Variants in SCYL1 observed in about 807,000 individuals in gnomAD.
The protein encoded by SCYL1 is SCY1 like pseudokinase 1.
Under a neutral mutation model 94.8 loss-of-function variants are expected in SCYL1, and 85 were observed. That is an observed-to-expected ratio of 0.90 (90% CI 0.75 to 1.07). SCYL1 has a LOEUF of 1.07. SCYL1 is among the 50% of genes least tolerant of loss of function. SCYL1 has a pLI of 0.00. For synonymous variants in SCYL1, 459 were observed against 435.5 expected, an observed-to-expected ratio of 1.05 and a Z score of -0.67; for missense variants, 968 against 1,083.3, an observed-to-expected ratio of 0.89 and a Z score of 1.49.
chr11:65,526,940 GA>G lies in SCYL1; in HGVS notation c.694-21del. ...TCTGCCAGCTGGCTACCCCTGCCCT[GA>G]CACTGACCCCTCCCCTACAGATCCC... is the stretch of plus-strand genomic sequence containing the variant. On this transcript the variant is annotated intron_variant, in intron 5 of 17. Transcript: ENST00000270176. This position sits in a 1 kb window ranked among gnomAD's most constrained non-coding sequence, Gnocchi z 4.1. The G allele has an allele frequency of 6.2e-7, 1 of 1,609,930 alleles. No individual in the cohort carries two copies. The highest frequency in any genetic ancestry group is 8.5e-7 in the Non-Finnish European group (1 of 1,177,126).
chr11:65,529,552 C>T lies in SCYL1; in HGVS notation c.850-1077C>T, dbSNP rs1855265241. 3.3e-5 allele frequency among the ~76,000 whole-genome samples: 5 copies of T among 152,334 alleles called. No individual in the cohort carries two copies. In the South Asian group the frequency reaches 1.0e-3, roughly 32 times the overall value. On this transcript the variant is annotated intron_variant, in intron 6 of 17. Coordinates refer to ENST00000270176, the MANE Select transcript of SCYL1 (RefSeq NM_020680.4). ...GAACCATGTGATCAGAGCACCAAGC[C>T]GGCCTCCCACGCTGGTCTGAGCTGC...
Position 65,536,075 on chromosome 11 carries a change from T to G in SCYL1, c.1509T>G (p.Cys503Trp). 1 of 1,614,234 alleles carries G rather than the reference T, an allele frequency of 6.2e-7. No homozygotes were observed. Among genetic ancestry groups the G allele is most frequent in the Non-Finnish European group, 8.5e-7 (1 of 1,180,036 alleles). ...ATHNLYSMND[C>W]AQKILPVLCG... is the part of the protein sequence containing the mutation. ...ACAACCTCTACTCAATGAACGACTG[T>G]GCCCAGAAGATCCTGCCTGTGCTCT... Residue 503 changes from cysteine (C) to tryptophan (W), a missense_variant, in exon 11 of 18, where the codon TGT (cysteine) becomes TGG (tryptophan). Physicochemically the swap from Cys to Trp is radical, Grantham distance 215 (BLOSUM62 -2). Around this residue, in one of 2 missense-constraint regions of SCYL1, gnomAD observed 474 missense variants for 463.6 expected, o/e 1.02. Coordinates refer to ENST00000270176, the MANE Select transcript of SCYL1 (RefSeq NM_020680.4).
rs1343915464 is a variant in SCYL1 at position 65,531,679 on chromosome 11, A to G, written c.1112A>G (p.Gln371Arg). The change falls in exon 8 of 18, where the codon CAG (glutamine) becomes CGG (arginine). Residue 371 changes from glutamine to arginine, a missense_variant. Physicochemically the swap from Gln to Arg is conservative, Grantham distance 43. Transcript: ENST00000270176. ...TDRAMRIRLL[Q>R]QMEQFIQYLD... ...CGGGCCATGCGCATCCGCCTCCTGC[A>G]GCAGGTGAGGCCTCTGTACCAGACT... The G allele has an allele frequency of 7.4e-6, 12 of 1,610,990 alleles. No homozygotes were observed. The highest frequency in any genetic ancestry group is 1.0e-5 in the Non-Finnish European group (12 of 1,177,394).
At chr11:65,531,455 T>TAGAGGA (rs1211882443) in intron 7 of SCYL1, 121 bp from the exon 8 acceptor site, 6 of 721,826 alleles carry the variant, frequency 8.3e-6, no homozygotes, top group Admixed American at 4.2e-5. Context: ...AGGAAATGCC[T>TAGAGGA]GCCCCCCCCT....
chr11:65,535,154 G>A, intron 9 of SCYL1, 73 bp from the exon 10 acceptor site: 3 of 1,573,884 alleles, frequency 1.9e-6, no homozygotes, highest in Non-Finnish European at 2.6e-6. Flanking sequence ...GATGAGGGCT[G>A]CCAGGAGGCT....
Position 65,526,146 on chromosome 11 carries a change from AC to A in SCYL1, c.399del (p.Asn133LysfsTer136), listed in dbSNP as rs755131489. 57 of 1,612,980 alleles carry A rather than the reference AC, an allele frequency of 3.5e-5. No individual in the cohort carries two copies. Among genetic ancestry groups the A allele is most frequent in the Non-Finnish European group, 3.6e-5 (42 of 1,179,938 alleles). ...QIVKALSFLVNDCSLIHNNVC... is the reference protein window; with the variant it reads ...QIVKALSFLVXDCSLIHNNVC... ...CAGAAAGCCCTCAGCTTCCTGGTCA[AC>A]GACTGCAGCCTCATCCACAACAATG... On this transcript the variant is annotated frameshift_variant, in exon 4 of 18. Coordinates refer to ENST00000270176, the MANE Select transcript of SCYL1 (RefSeq NM_020680.4). LOFTEE classifies it high-confidence loss of function. The surrounding 1 kb of genome is among the most constrained non-coding windows in gnomAD (Gnocchi z 4.1).
chr11:65,526,406 C>A lies in SCYL1; in HGVS notation c.602+56C>A. The A allele has an allele frequency of 7.2e-7, 1 of 1,386,716 alleles. No individual in the cohort carries two copies. The highest frequency in any genetic ancestry group is 9.9e-7 in the Non-Finnish European group (1 of 1,012,462). 85.9% of individuals were successfully genotyped at this position (1,386,716 alleles called of 1,614,324 possible). A position where few individuals can be genotyped will look rare whatever the true frequency, so the allele number is the denominator to read the frequency against. ...TGCCCTGTCCTGGAGGCCCCTGCAG[C>A]CTCAGGACTCCTAGACTAGTTGGCA... On this transcript the variant is annotated intron_variant, in intron 4 of 17. Coordinates refer to ENST00000270176, the MANE Select transcript of SCYL1 (RefSeq NM_020680.4). This position sits in a 1 kb window ranked among gnomAD's most constrained non-coding sequence, Gnocchi z 4.1.
chr11:65,525,201 C>T lies in SCYL1; in HGVS notation c.48C>T (p.Leu16=). 1 of 1,458,132 alleles carries T rather than the reference C, an allele frequency of 6.9e-7. No individual in the cohort carries two copies. Among genetic ancestry groups the T allele is most frequent in the African/African-American group, 1.5e-5 (1 of 67,246 alleles). The allele number at this position is 1,458,132 out of a possible 1,614,324, so 90.3% of individuals were successfully genotyped here. Residue 16 remains leucine (L), a synonymous_variant, in exon 1 of 18, where the codon CTC becomes CTT. Coordinates refer to ENST00000270176, the MANE Select transcript of SCYL1 (RefSeq NM_020680.4). ...RDPVRDFPFE[L]IPEPPEGGLP... ...CGGTCCGGGACTTTCCGTTCGAGCT[C>T]ATCCCGGAGCCCCCAGAGGGCGGCC...
chr11:65,535,490 G>A, intron 10 of SCYL1, 108 bp downstream of exon 10: 1 of 1,398,194 alleles, frequency 7.2e-7, no homozygotes, highest in South Asian at 1.3e-5. Flanking sequence ...CAGAGACTTA[G>A]ACCCTGCACG....
intron 9 of SCYL1, among the ~76,000 whole-genome samples, chr11:65,534,721 G>T (rs953144884): frequency 2.0e-5 from 3 of 152,188 alleles, no homozygotes; most frequent in African/African-American, 7.2e-5. Context: ...GATTGGCTCC[G>T]GGTGTGTGAA....
intron 6 of SCYL1, among the ~76,000 whole-genome samples, chr11:65,528,258 T>C (rs182203970): frequency 1.9e-3 from 276 of 148,618 alleles, no homozygotes; most frequent in African/African-American, 6.5e-3. Flanking sequence ...GCTGACGACA[T>C]GGAGAAACCC....
chr11:65,530,736 C>G lies in SCYL1; in HGVS notation c.957C>G (p.Thr319=), dbSNP rs751033533. The G allele has an allele frequency of 6.2e-7, 1 of 1,613,890 alleles. No homozygotes were observed. Among genetic ancestry groups the G allele is most frequent in the Non-Finnish European group, 8.5e-7 (1 of 1,180,008 alleles). ...CRHKVLPQLL[T]AFEFGNAGAV... ...ACAAGGTGCTGCCCCAGCTGCTGAC[C>G]GCCTTCGAGTTCGGCAATGCTGGGG... is the stretch of plus-strand genomic sequence containing the variant. Residue 319 remains threonine (T), a synonymous_variant, in exon 7 of 18, where the codon ACC becomes ACG. Coordinates refer to ENST00000270176, the MANE Select transcript of SCYL1 (RefSeq NM_020680.4).
intron 9 of SCYL1, among the ~76,000 whole-genome samples, chr11:65,533,804 C>A (rs920350427): frequency 6.7e-6 from 1 of 148,406 alleles, no homozygotes; most frequent in African/African-American, 2.5e-5. Context: ...TATTTTAGGC[C>A]GGGCCTGGTG....
chr11:65,525,785 T>A, intron 2 of SCYL1, 71 bp downstream of exon 2: 6 of 1,594,782 alleles, frequency 3.8e-6, no homozygotes, highest in Non-Finnish European at 5.1e-6. Context: ...TCTCCCCTCC[T>A]GCCCTGTTTC....
rs374509053 is a variant in SCYL1, at chr11:65,536,260, C to G, written c.1577C>G (p.Ala526Gly). Residue 526 changes from alanine (A) to glycine (G), a missense_variant and splice_region_variant, in exon 12 of 18, where the codon GCC becomes GGC. Ala to Gly is a moderately conservative substitution (Grantham distance 60). Around this residue, in one of 2 missense-constraint regions of SCYL1, gnomAD observed 474 missense variants for 463.6 expected, o/e 1.02. Transcript: ENST00000270176. The part of the protein sequence containing the change: ...VDPEKSVRDQ[A>G]FKAIRSFLSK... ...CAGCTCTGCCTCGTTACCCCACAGG[C>G]CTTCAAGGCCATTCGGAGCTTCCTG... is the stretch of plus-strand genomic sequence containing the variant. The G allele has an allele frequency of 6.2e-6, 10 of 1,614,030 alleles. No individual in the cohort carries two copies. The East Asian group carries it at 2.2e-4, about 36-fold the overall frequency.
intron 10 of SCYL1, 168 bp from the exon 11 acceptor site, chr11:65,535,785 A>G (rs1443573852): frequency 5.9e-6 from 4 of 682,570 alleles, no homozygotes; most frequent in Non-Finnish European, 9.5e-6. Context: ...TGGGAAGAGA[A>G]GCCCAGGTCC....
Position 65,537,853 on chromosome 11 carries a change from CG to C in SCYL1, c.2009del (p.Gly670AlafsTer3). ...TGGCCCAGCAGGACGACTGGAGCAC[CG>C]GGGGCCAAGTGAGCCGTGCTAGTCA... Reference protein sequence around the residue: ...VLAQQDDWSTGGQVSRASQVS... With the variant: ...VLAQQDDWSTXGQVSRASQVS... On this transcript the variant is annotated frameshift_variant, in exon 15 of 18. Coordinates refer to ENST00000270176, the MANE Select transcript of SCYL1 (RefSeq NM_020680.4). LOFTEE classifies it high-confidence loss of function. 2.5e-6 allele frequency: 4 copies of C among 1,575,376 alleles called. No individual in the cohort carries two copies. The highest frequency in any genetic ancestry group is 3.7e-5 in the Admixed American group (2 of 53,520).
rs917662110 is a variant in SCYL1 at position 65,526,323 on chromosome 11, G to A, written c.575G>A (p.Ser192Asn). The change falls in exon 4 of 18, where the codon AGC becomes AAC. Residue 192 changes from serine (S) to asparagine (N), a missense_variant. Ser to Asn is a conservative substitution (Grantham distance 46). Coordinates refer to ENST00000270176, the MANE Select transcript of SCYL1 (RefSeq NM_020680.4). The surrounding 1 kb of genome is among the most constrained non-coding windows in gnomAD (Gnocchi z 4.1). The stretch of plus-strand genomic sequence containing the variant: ...TATGACCCCCCGGAGTTGGCTGACA[G>A]CAGTGGCAGAGTGGTCAGAGAGAAG... ...EQYDPPELAD[S>N]SGRVVREKWS... is the part of the protein sequence containing the mutation. 6.2e-7 allele frequency: 1 copy of A among 1,607,018 alleles called. No individual in the cohort carries two copies. Among genetic ancestry groups the A allele is most frequent in the South Asian group, 1.1e-5 (1 of 90,768 alleles).
At chr11:65,534,435 G>A (rs985146751) in intron 9 of SCYL1, among the ~76,000 whole-genome samples, 4 of 152,100 alleles carry the variant, frequency 2.6e-5, no homozygotes, top group Admixed American at 1.3e-4. Flanking sequence ...ATACGGAGAC[G>A]AGAGTGGCTC....
Sources: allele counts gnomAD v4.1 joint callset (sites outside exome capture counted in the v4.1 genomes callset), GRCh38; gene constraint gnomAD v4.1.1; regional missense constraint gnomAD v4.1.1; non-coding constraint Gnocchi (gnomAD v3.1); transcripts MANE v1.5; gene names NCBI Gene and HGNC (gene_info 2026-07-23, HGNC 2026-07-21).